GALNT18: variants seen among roughly 807,000 people sequenced by gnomAD.
GALNT18 encodes the protein GalNAc-transferase 18.
GALNT18 carries 44 observed loss-of-function variants against 69.5 expected under a neutral mutation model. The ratio of observed to expected loss-of-function variants is 0.63; its 90% confidence interval spans 0.50 to 0.81. GALNT18 has a LOEUF of 0.81. GALNT18 is among the 40% of genes least tolerant of loss of function. The pLI, the probability that GALNT18 is intolerant of heterozygous loss-of-function variation, is 0.00. For synonymous variants in GALNT18, 364 were observed against 318.2 expected, an observed-to-expected ratio of 1.14 and a Z score of -1.53; for missense variants, 715 against 810.0, an observed-to-expected ratio of 0.88 and a Z score of 1.42.
rs1270977268 is a variant in GALNT18, at chr11:11,505,359, G to A, written c.236-56423C>T. Among the ~76,000 whole-genome samples the A allele has an allele frequency of 6.6e-6, 1 of 152,158 alleles. No individual in the cohort carries two copies. The highest frequency in any genetic ancestry group is 1.5e-5 in the Non-Finnish European group (1 of 68,020). ...ACTAAGATAACAGTGTGAGTTACCA[G>A]ATTCTTGAATCTCTATGAAGGATGG... On this transcript the variant is annotated intron_variant, in intron 1 of 10. Coordinates refer to ENST00000227756, the MANE Select transcript of GALNT18 (RefSeq NM_198516.3). The surrounding 1 kb of genome is among the most constrained non-coding windows in gnomAD (Gnocchi z 4.6).
rs1379495503 is a variant in GALNT18 at position 11,341,003 on chromosome 11, A to G, written c.1094T>C (p.Val365Ala). The G allele has an allele frequency of 5.0e-6, 8 of 1,596,126 alleles. No individual in the cohort carries two copies. Among genetic ancestry groups the G allele is most frequent in the Non-Finnish European group, 6.8e-6 (8 of 1,168,698 alleles). ...CTCCACACTCCCGCCACACTGCCAC[A>G]CCTGCAGAAGACATGGAGCCACTTG... ...GGENVELGIR[V>A]WQCGGSVEVL... The change falls in exon 7 of 11, where the codon GTG (valine) becomes GCG (alanine). Residue 365 changes from valine (V) to alanine (A), a missense_variant and splice_region_variant. Transcript: ENST00000227756. The surrounding 1 kb of genome is among the most constrained non-coding windows in gnomAD (Gnocchi z 6.3).
rs560753159 is a variant in GALNT18, at chr11:11,493,892, C to T, written c.236-44956G>A. Among the ~76,000 whole-genome samples, 4 of 152,278 alleles carry T rather than the reference C, an allele frequency of 2.6e-5. No homozygotes were observed. In the East Asian group the frequency reaches 5.8e-4, roughly 22 times the overall value. ...CCGCTCCTGTCCCAGCGTGTGGCAG[C>T]AGAGACCACAGCCATGGGGAGCTGT... On this transcript the variant is annotated intron_variant, in intron 1 of 10. Coordinates refer to ENST00000227756, the MANE Select transcript of GALNT18 (RefSeq NM_198516.3).
chr11:11,449,555 C>T (rs1426649067), intron 1 of GALNT18, among the ~76,000 whole-genome samples: 3 of 152,250 alleles, frequency 2.0e-5, no homozygotes, highest in Non-Finnish European at 4.4e-5. Flanking sequence ...CCAAGCCACA[C>T]CCAGCCTGCC....
Position 11,396,244 on chromosome 11 carries a change from C to T in GALNT18, c.596-16980G>A, listed in dbSNP as rs1370571045. ...CTGGCACGACAGCGGCTGGGTCTGT[C>T]AGTGGTGTTCGCAAACAGTGTTTGG... On this transcript the variant is annotated intron_variant, in intron 3 of 10. Coordinates refer to ENST00000227756, the MANE Select transcript of GALNT18 (RefSeq NM_198516.3). The surrounding 1 kb of genome is among the most constrained non-coding windows in gnomAD (Gnocchi z 5.2). Among the ~76,000 whole-genome samples, 1 of 152,212 alleles carries T rather than the reference C, an allele frequency of 6.6e-6. No homozygotes were observed. Among genetic ancestry groups the T allele is most frequent in the Non-Finnish European group, 1.5e-5 (1 of 68,042 alleles).
chr11:11,372,061 T>C lies in GALNT18; in HGVS notation c.1092+454A>G, dbSNP rs536661081. On this transcript the variant is annotated intron_variant, in intron 6 of 10. Transcript: ENST00000227756. This position sits in a 1 kb window ranked among gnomAD's most constrained non-coding sequence, Gnocchi z 4.9. ...TGCTGTTTATACACCCTGAGTTTAT[T>C]TCTCTGGGCTATCTCTTAACAAAGT... Among the ~76,000 whole-genome samples, 1 of 152,298 alleles carries C rather than the reference T, an allele frequency of 6.6e-6. No homozygotes were observed. Among genetic ancestry groups the C allele is most frequent in the African/African-American group, 2.4e-5 (1 of 41,566 alleles).
At chr11:11,380,830 C>T (rs1853896073) in intron 3 of GALNT18, among the ~76,000 whole-genome samples, 1 of 152,208 alleles carries the variant, frequency 6.6e-6, no homozygotes, top group Admixed American at 6.5e-5. Flanking sequence ...ATTTCATTAC[C>T]CAATGTCTTT....
rs1182598122 is a variant in GALNT18, at chr11:11,621,228, C to A, written c.235+131G>T. The stretch of plus-strand genomic sequence containing the variant: ...GGCAGGAGCTCACACGCAGGCCCCA[C>A]GACTACCACGCATCTGCGGCCCCAG... On this transcript the variant is annotated intron_variant, in intron 1 of 10. Coordinates refer to ENST00000227756, the MANE Select transcript of GALNT18 (RefSeq NM_198516.3). This position sits in a 1 kb window ranked among gnomAD's most constrained non-coding sequence, Gnocchi z 9.3. 2 of 707,720 alleles carry A rather than the reference C, an allele frequency of 2.8e-6. No individual in the cohort carries two copies. The highest frequency in any genetic ancestry group is 3.6e-5 in the African/African-American group (2 of 55,934). 43.8% of individuals were successfully genotyped at this position (707,720 alleles called of 1,614,324 possible).
At position 11,526,623 on chromosome 11, in the gene GALNT18, C is replaced by T. The variant is rs555993196; in HGVS notation, c.236-77687G>A. ...GTAGCTTATATCACAAAGGCTACAT[C>T]TCAGGCTACACGTCCATCAGGATCA... is the stretch of plus-strand genomic sequence containing the variant. On this transcript the variant is annotated intron_variant, in intron 1 of 10. Transcript: ENST00000227756. 3.0e-4 allele frequency among the ~76,000 whole-genome samples: 45 copies of T among 152,238 alleles called. No homozygotes were observed. In the South Asian group the frequency reaches 6.0e-3, roughly 20 times the overall value.
Position 11,306,235 on chromosome 11 carries a change from ATGTG to A in GALNT18, c.1513-13046_1513-13043del, listed in dbSNP as rs1310727049. 1.6e-4 allele frequency among the ~76,000 whole-genome samples: 24 copies of A among 151,560 alleles called. 1 individual carries two copies. The South Asian group carries it at 2.1e-3, about 13-fold the overall frequency. ...TGTCTGTGTGTGCATGTGTGTGTGT[ATGTG>A]TGTGTGTGTGCATGCATGTGCACGA... On this transcript the variant is annotated intron_variant, in intron 9 of 10. Transcript: ENST00000227756.
intron 3 of GALNT18, among the ~76,000 whole-genome samples, chr11:11,379,824 G>A (rs1853866449): frequency 6.6e-6 from 1 of 152,234 alleles, no homozygotes; most frequent in African/African-American, 2.4e-5. Context: ...AGTAGCTGGT[G>A]TTGGTTTGCT....
chr11:11,363,003 A>G (rs561717506), intron 6 of GALNT18, among the ~76,000 whole-genome samples: 44 of 152,206 alleles, frequency 2.9e-4, no homozygotes, highest in Admixed American at 4.6e-4. Context: ...ATCTCTATAT[A>G]CTGTTATAGA....
chr11:11,318,701 A>G lies in GALNT18; in HGVS notation c.1512+8385T>C, dbSNP rs930755387. ...AGTCACTGAGTCACTAGTGGCCTGG[A>G]GTGTCCCTCGACCTTCAACAAACTT... On this transcript the variant is annotated intron_variant, in intron 9 of 10. Transcript: ENST00000227756. This position sits in a 1 kb window ranked among gnomAD's most constrained non-coding sequence, Gnocchi z 5.1. Among the ~76,000 whole-genome samples the G allele has an allele frequency of 4.6e-5, 7 of 152,314 alleles. No individual in the cohort carries two copies. The highest frequency in any genetic ancestry group is 7.3e-5 in the Non-Finnish European group (5 of 68,028).
rs1858584855 is a variant in GALNT18 at position 11,564,142 on chromosome 11, G to C, written c.235+57217C>G. ...ACAGTTGAAGGAACTTGAGCATAGAGAGGTAGAACAACTTTCCCAAGGCCA... is the reference window on the plus strand; with the variant it reads ...ACAGTTGAAGGAACTTGAGCATAGACAGGTAGAACAACTTTCCCAAGGCCA... On this transcript the variant is annotated intron_variant, in intron 1 of 10. Coordinates refer to ENST00000227756, the MANE Select transcript of GALNT18 (RefSeq NM_198516.3). This position sits in a 1 kb window ranked among gnomAD's most constrained non-coding sequence, Gnocchi z 4.3. Among the ~76,000 whole-genome samples, 1 of 152,192 alleles carries C rather than the reference G, an allele frequency of 6.6e-6. No individual in the cohort carries two copies. Among genetic ancestry groups the C allele is most frequent in the Non-Finnish European group, 1.5e-5 (1 of 68,028 alleles).
chr11:11,376,373 C>A (rs1015612544), intron 5 of GALNT18, among the ~76,000 whole-genome samples: 2 of 68,534 alleles, frequency 2.9e-5, no homozygotes, highest in Non-Finnish European at 7.7e-5. Context: ...CAGAGTGAGA[C>A]TCCGTCTCAA....
intron 1 of GALNT18, among the ~76,000 whole-genome samples, chr11:11,450,678 A>G (rs1294982857): frequency 6.6e-6 from 1 of 152,082 alleles, no homozygotes; most frequent in Non-Finnish European, 1.5e-5. Flanking sequence ...CACCCCTGTA[A>G]CTCTTGGGAT....
rs1032849989 is a variant in GALNT18, at chr11:11,340,284, G to A, written c.1278+535C>T. 4.6e-5 allele frequency among the ~76,000 whole-genome samples: 2 copies of A among 43,692 alleles called. No individual in the cohort carries two copies. The highest frequency in any genetic ancestry group is 1.6e-4 in the African/African-American group (1 of 6,134). The allele number at this position is 43,692 out of a possible 152,430, so 28.7% of individuals were successfully genotyped here. On this transcript the variant is annotated intron_variant, in intron 7 of 10. Coordinates refer to ENST00000227756, the MANE Select transcript of GALNT18 (RefSeq NM_198516.3). This position sits in a 1 kb window ranked among gnomAD's most constrained non-coding sequence, Gnocchi z 4.2. ...GCAGGCAATGATGAGGCTCTGTGAA[G>A]GTTAACTCCATCTCCTAGTGAAGGT...
intron 6 of GALNT18, among the ~76,000 whole-genome samples, chr11:11,348,129 G>A (rs56274220): frequency 0.14 from 20,756 of 152,118 alleles, 1,795 homozygotes; most frequent in Admixed American, 0.21. Context: ...TGTAATCCCA[G>A]CACTTTGGGA....
rs1859696937 is a variant in GALNT18 at position 11,604,318 on chromosome 11, T to C, written c.235+17041A>G. On this transcript the variant is annotated intron_variant, in intron 1 of 10. Transcript: ENST00000227756. This position sits in a 1 kb window ranked among gnomAD's most constrained non-coding sequence, Gnocchi z 5.6. ...CTTCATTGTGCATGGTCTCCATCAGTGGCACTGTGCTGACCACGCCATCCA... is the reference window on the plus strand; with the variant it reads ...CTTCATTGTGCATGGTCTCCATCAGCGGCACTGTGCTGACCACGCCATCCA... 6.6e-6 allele frequency among the ~76,000 whole-genome samples: 1 copy of C among 151,994 alleles called. No homozygotes were observed. The highest frequency in any genetic ancestry group is 1.5e-5 in the Non-Finnish European group (1 of 67,990).
rs117200206 is a variant in GALNT18, at chr11:11,346,311, T to C, written c.1093-5307A>G. ...CTTAGTCTATATTCAATAACTATTA[T>C]TTGAATGAGTGAATCTAGGAATCTG... On this transcript the variant is annotated intron_variant, in intron 6 of 10. Coordinates refer to ENST00000227756, the MANE Select transcript of GALNT18 (RefSeq NM_198516.3). Among the ~76,000 whole-genome samples, 1,083 of 152,320 alleles carry C rather than the reference T, an allele frequency of 7.1e-3. 13 individuals carry two copies. Among genetic ancestry groups the C allele is most frequent in the Non-Finnish European group, 0.013 (880 of 68,030 alleles).
Sources: allele counts gnomAD v4.1 joint callset (sites outside exome capture counted in the v4.1 genomes callset), GRCh38; gene constraint gnomAD v4.1.1; non-coding constraint Gnocchi (gnomAD v3.1); transcripts MANE v1.5; gene names NCBI Gene and HGNC (gene_info 2026-07-23, HGNC 2026-07-21).